DLGAP1: variants seen among roughly 807,000 people sequenced by gnomAD.
DLGAP1 encodes the protein DLG associated protein 1.
DLGAP1 carries 11 observed loss-of-function variants against 90.8 expected under a neutral mutation model. The ratio of observed to expected loss-of-function variants is 0.12; its 90% CI spans 0.08 to 0.20. The LOEUF (loss-of-function observed/expected upper bound fraction) is 0.20. Ranked by LOEUF, DLGAP1 falls within the 10% of genes least tolerant of loss-of-function variation. The pLI is 1.00. For synonymous variants in DLGAP1, 558 were observed against 540.7 expected (o/e 1.03, Z -0.44); for missense variants, 1,050 against 1,333.8 (o/e 0.79, Z 3.31).
chr18:3,506,857 C>G (rs1202466871), intron 11 of DLGAP1, among the ~76,000 whole-genome samples: 1 of 151,846 alleles, frequency 6.6e-6, no homozygotes, highest in East Asian at 1.9e-4. Flanking sequence ...AGTTCTGTAC[C>G]TGGCCCACAG....
intron 3 of DLGAP1, among the ~76,000 whole-genome samples, chr18:3,903,937 T>A (rs931425791): frequency 6.6e-6 from 1 of 152,226 alleles, no homozygotes; most frequent in African/African-American, 2.4e-5. Context: ...ATCCTGGGGC[T>A]GAATACTGGC....
intron 2 of DLGAP1, among the ~76,000 whole-genome samples, chr18:4,079,713 T>A (rs60760568): frequency 0.036 from 4,906 of 134,656 alleles, 269 homozygotes; most frequent in African/African-American, 0.13. Context: ...TATATATATA[T>A]AAAAGAAAAT....
At chr18:3,746,777 T>G (rs942632781) in intron 5 of DLGAP1, among the ~76,000 whole-genome samples, 1 of 152,194 alleles carries the variant, frequency 6.6e-6, no homozygotes, top group African/African-American at 2.4e-5. Context: ...AAACATACAT[T>G]TACACATTAC....
intron 10 of DLGAP1, among the ~76,000 whole-genome samples, chr18:3,522,098 C>T (rs1428608657): frequency 3.6e-5 from 5 of 139,398 alleles, no homozygotes; most frequent in Non-Finnish European, 4.6e-5. Context: ...TCAAGTTTTG[C>T]CTTTTTTTTT....
At chr18:4,193,824 C>A (rs1048517859) in intron 1 of DLGAP1, among the ~76,000 whole-genome samples, 6 of 151,954 alleles carry the variant, frequency 3.9e-5, no homozygotes, top group Non-Finnish European at 7.4e-5. Flanking sequence ...ATTTTCAATG[C>A]CCCAGTGAAC....
intron 1 of DLGAP1, among the ~76,000 whole-genome samples, chr18:4,432,016 T>C (rs959694789): frequency 6.6e-5 from 10 of 152,256 alleles, no homozygotes; most frequent in African/African-American, 4.8e-5. Context: ...ATTGTATAGA[T>C]ACAACTTCCG....
At chr18:4,018,997 G>C (rs1408809406) in intron 2 of DLGAP1, among the ~76,000 whole-genome samples, 2 of 152,110 alleles carry the variant, frequency 1.3e-5, no homozygotes, top group African/African-American at 4.8e-5. Context: ...TGAAGCAGCT[G>C]AAAGAAGTGA....
Position 3,499,180 on chromosome 18 carries a change from G to A in DLGAP1, c.*5C>T, listed in dbSNP as rs773899068. ...CTTGGCGGCGGCGGCCGGGCTGCGG[G>A]GCGCTCAGAGCCGGGTCTGCGCCTC... On this transcript the variant is annotated 3_prime_UTR_variant, in exon 13 of 13. Transcript: ENST00000315677. The surrounding 1 kb of genome is among the most constrained non-coding windows in gnomAD (Gnocchi z 6.4). The A allele has an allele frequency of 6.4e-7, 1 of 1,560,234 alleles. No homozygotes were observed. Among genetic ancestry groups the A allele is most frequent in the East Asian group, 2.4e-5 (1 of 41,370 alleles).
chr18:3,665,853 T>C (rs921436878), intron 7 of DLGAP1, among the ~76,000 whole-genome samples: 1 of 152,184 alleles, frequency 6.6e-6, no homozygotes, highest in Non-Finnish European at 1.5e-5. Flanking sequence ...GAGTGCACAA[T>C]ACTGCATTTG....
At position 3,565,750 on chromosome 18, in the gene DLGAP1, G is replaced by A. The variant is rs1398665296; in HGVS notation, c.2057+1740C>T. ...CTCGGGAGGCTGAGTCAGGAGAACC[G>A]CTTGAACCCAGGAGGCGGAGGTTGC... On this transcript the variant is annotated intron_variant, in intron 9 of 12. Transcript: ENST00000315677. This position sits in a 1 kb window ranked among gnomAD's most constrained non-coding sequence, Gnocchi z 4.0. Among the ~76,000 whole-genome samples, 1 of 151,924 alleles carries A rather than the reference G, an allele frequency of 6.6e-6. No individual in the cohort carries two copies. The highest frequency in any genetic ancestry group is 1.5e-5 in the Non-Finnish European group (1 of 67,998).
chr18:4,369,297 G>A (rs1209131215), intron 1 of DLGAP1, among the ~76,000 whole-genome samples: 6 of 151,878 alleles, frequency 4.0e-5, no homozygotes, highest in Non-Finnish European at 7.4e-5. Context: ...ATGAGTGTGC[G>A]TGTGTGTGTG....
chr18:3,919,667 C>A (rs2072224081), intron 3 of DLGAP1, among the ~76,000 whole-genome samples: 1 of 152,358 alleles, frequency 6.6e-6, no homozygotes, highest in Admixed American at 6.5e-5. Flanking sequence ...TGCATGTTAT[C>A]ACAAGCCAGG....
At chr18:4,260,395 T>G (rs965106971) in intron 1 of DLGAP1, among the ~76,000 whole-genome samples, 2 of 152,190 alleles carry the variant, frequency 1.3e-5, no homozygotes, top group African/African-American at 4.8e-5. Flanking sequence ...GTTGGTGACT[T>G]CTCATTGATC....
intron 1 of DLGAP1, among the ~76,000 whole-genome samples, chr18:4,377,509 A>C (rs542444494): frequency 6.6e-6 from 1 of 152,356 alleles, no homozygotes; most frequent in South Asian, 2.1e-4. Flanking sequence ...GATGAATAAT[A>C]AACATTTCCT....
chr18:3,678,393 A>G (rs537930156), intron 7 of DLGAP1, among the ~76,000 whole-genome samples: 2 of 152,184 alleles, frequency 1.3e-5, no homozygotes, highest in African/African-American at 2.4e-5. Flanking sequence ...ACCCAGCTCA[A>G]ATCACATCTC....
intron 9 of DLGAP1, among the ~76,000 whole-genome samples, chr18:3,561,270 AAAAAAAAAACAAAC>A (rs2054084992): frequency 2.2e-5 from 3 of 137,428 alleles, no homozygotes; most frequent in African/African-American, 8.7e-5. Context: ...AAAAAACAAA[AAAAAAAAAACAAAC>A]AAAAAATAGC....
intron 8 of DLGAP1, among the ~76,000 whole-genome samples, chr18:3,576,047 T>C (rs1296340604): frequency 1.3e-5 from 2 of 152,292 alleles, no homozygotes; most frequent in East Asian, 1.9e-4. Flanking sequence ...TTGCTTACTG[T>C]CTAGCAGCCT....
At chr18:4,341,965 A>G (rs537247438) in intron 1 of DLGAP1, among the ~76,000 whole-genome samples, 8 of 152,010 alleles carry the variant, frequency 5.3e-5, no homozygotes, top group Admixed American at 3.3e-4. Flanking sequence ...CTTTGAGCAA[A>G]TTACTGAATT....
At chr18:3,975,916 G>C (rs1357975228) in intron 3 of DLGAP1, among the ~76,000 whole-genome samples, 13 of 152,112 alleles carry the variant, frequency 8.5e-5, no homozygotes, top group African/African-American at 3.1e-4. Flanking sequence ...ACCATGGCCT[G>C]GGGGAGAGGG....
Sources: gnomAD v4.1 joint callset for allele counts (sites outside exome capture counted in the v4.1 genomes callset) on GRCh38, gnomAD v4.1.1 for gene constraint, Gnocchi (gnomAD v3.1) non-coding constraint, MANE v1.5 for transcripts, NCBI Gene and HGNC (gene_info 2026-07-23, HGNC 2026-07-21) for gene names.